OXCT1: variants seen among roughly 807,000 people sequenced by gnomAD.
OXCT1 encodes the protein 3-oxoacid CoA-transferase 1.
In OXCT1, 27 loss-of-function variants were observed where a neutral mutation model predicts 69.6. The ratio of observed to expected loss-of-function variants is 0.39; its 90% CI spans 0.29 to 0.54. OXCT1 has a LOEUF of 0.54. OXCT1 is among the 20% of genes least tolerant of loss of function. The pLI is 0.72. For synonymous variants in OXCT1, 202 were observed against 217.8 expected (o/e 0.93, Z 0.64); for missense variants, 437 against 650.2 (o/e 0.67, Z 3.57).
intron 1 of OXCT1, among the ~76,000 whole-genome samples, chr5:41,863,301 C>T (rs1485306420): frequency 1.3e-5 from 2 of 152,136 alleles, no homozygotes; most frequent in Admixed American, 1.3e-4. Flanking sequence ...TATAAATGCA[C>T]ACACTTTTTT....
chr5:41,732,675 A>G (rs1742691162), intron 16 of OXCT1, among the ~76,000 whole-genome samples: 1 of 152,208 alleles, frequency 6.6e-6, no homozygotes, highest in Admixed American at 6.5e-5. Context: ...TTAGCATTTT[A>G]CCTTCCAGAA....
At chr5:41,818,652 T>A (rs1189696189) in intron 7 of OXCT1, among the ~76,000 whole-genome samples, 1 of 152,150 alleles carries the variant, frequency 6.6e-6, no homozygotes, top group Non-Finnish European at 1.5e-5. Flanking sequence ...TAATTTTTGG[T>A]TGTGTACCTG....
At position 41,862,785 on chromosome 5, in the gene OXCT1, T is replaced by G. The variant is rs1055444942; in HGVS notation, c.79-35A>C. On this transcript the variant is annotated intron_variant, in intron 1 of 16. Coordinates refer to ENST00000196371, the MANE Select transcript of OXCT1 (RefSeq NM_000436.4). ...TAAAAAAAAAAAATTGATAATCATTTGGAGATACAGCTTTACTTTGTGTGT... is the reference window on the plus strand; with the variant it reads ...TAAAAAAAAAAAATTGATAATCATTGGGAGATACAGCTTTACTTTGTGTGT... 4.9e-6 allele frequency: 6 copies of G among 1,235,530 alleles called. No homozygotes were observed. The African/African-American group carries it at 8.9e-5, about 18-fold the overall frequency. 76.5% of individuals were successfully genotyped at this position (1,235,530 alleles called of 1,614,324 possible).
intron 3 of OXCT1, among the ~76,000 whole-genome samples, chr5:41,859,443 C>T (rs1337275675): frequency 2.0e-5 from 3 of 152,110 alleles, no homozygotes; most frequent in Admixed American, 2.0e-4. Flanking sequence ...ATGGAAAAGA[C>T]ATTAAATTTG....
intron 5 of OXCT1, chr5:41,843,770 T>C (rs1345265391): frequency 3.4e-6 from 1 of 296,534 alleles, no homozygotes; most frequent in Non-Finnish European, 6.8e-6. Flanking sequence ...TTTTGGTACA[T>C]TTATTTCAAC....
intron 3 of OXCT1, among the ~76,000 whole-genome samples, chr5:41,854,178 A>G (rs1579887032): frequency 2.2e-5 from 2 of 92,900 alleles, no homozygotes; most frequent in African/African-American, 7.6e-5. Context: ...AAAAACAAGC[A>G]AAAAAAAAAT....
rs868731142 is a variant in OXCT1, at chr5:41,830,622, G to A, written c.732+9829C>T. 2.0e-5 allele frequency among the ~76,000 whole-genome samples: 3 copies of A among 152,304 alleles called. No individual in the cohort carries two copies. The South Asian group carries it at 6.2e-4, about 32-fold the overall frequency. On this transcript the variant is annotated intron_variant, in intron 7 of 16. Transcript: ENST00000196371. ...GTGTGAATGAATTTCACACAGGAATGAGCCTGCGTATGGATGTGTGTGTTC... is the reference window on the plus strand; with the variant it reads ...GTGTGAATGAATTTCACACAGGAATAAGCCTGCGTATGGATGTGTGTGTTC...
rs553559508 is a variant in OXCT1 at position 41,731,765 on chromosome 5, T to C, written c.1527A>G (p.Ser509=). ...QKSTGCDFAV[S]PKLMPMQQIA... The stretch of plus-strand genomic sequence containing the variant: ...TCTGCTGCATTGGCATGAGTTTTGG[T>C]GAAACCTGGTAAAAGAGGAAAAAAA... Residue 509 remains serine (S), a synonymous_variant, in exon 17 of 17, where the codon TCA becomes TCG. Coordinates refer to ENST00000196371, the MANE Select transcript of OXCT1 (RefSeq NM_000436.4). The C allele has an allele frequency of 1.9e-6, 3 of 1,609,860 alleles. No homozygotes were observed. In the African/African-American group the frequency reaches 4.0e-5, roughly 21 times the overall value.
chr5:41,810,114 C>G (rs965354080), intron 7 of OXCT1, among the ~76,000 whole-genome samples: 2 of 151,918 alleles, frequency 1.3e-5, no homozygotes, highest in African/African-American at 4.8e-5. Context: ...GCAGAACTAT[C>G]TTAATGCTAG....
At chr5:41,756,332 C>T (rs1051940438) in intron 14 of OXCT1, among the ~76,000 whole-genome samples, 2 of 152,038 alleles carry the variant, frequency 1.3e-5, no homozygotes, top group African/African-American at 4.8e-5. Context: ...AAAACAGATT[C>T]TTCATGTTGT....
intron 3 of OXCT1, among the ~76,000 whole-genome samples, chr5:41,855,560 G>C (rs1749390144): frequency 6.6e-6 from 1 of 151,870 alleles, no homozygotes; most frequent in South Asian, 2.1e-4. Context: ...TACAGAGCTT[G>C]TGTCATCTAC....
intron 16 of OXCT1, among the ~76,000 whole-genome samples, chr5:41,736,146 G>A (rs1362244284): frequency 3.9e-5 from 6 of 152,196 alleles, no homozygotes; most frequent in Non-Finnish European, 5.9e-5. Context: ...AGTCCCTATC[G>A]TCATAGCATC....
At chr5:41,852,710 C>T (rs769990825) in intron 4 of OXCT1, among the ~76,000 whole-genome samples, 1 of 152,184 alleles carries the variant, frequency 6.6e-6, no homozygotes, top group African/African-American at 2.4e-5. Flanking sequence ...TAGTCACATG[C>T]ACCTTTCAAG....
intron 7 of OXCT1, among the ~76,000 whole-genome samples, chr5:41,836,796 C>T (rs1748384481): frequency 6.6e-6 from 1 of 152,170 alleles, no homozygotes; most frequent in African/African-American, 2.4e-5. Context: ...CTGTGCGGCC[C>T]AGTTCCTAAC....
At position 41,870,047 on chromosome 5, in the gene OXCT1, A is replaced by G. The variant is rs1750212017; in HGVS notation, c.78+234T>C. 1 of 557,518 alleles carries G rather than the reference A, an allele frequency of 1.8e-6. No homozygotes were observed. Among genetic ancestry groups the G allele is most frequent in the Non-Finnish European group, 3.2e-6 (1 of 308,292 alleles). The allele number at this position is 557,518 out of a possible 1,614,324, so 34.5% of individuals were successfully genotyped here. ...TCTCAGCCTCTCCGCGCGCTTCTTTATCGCGTCTCGCTCCATCAGGGAAGC... is the reference window on the plus strand; with the variant it reads ...TCTCAGCCTCTCCGCGCGCTTCTTTGTCGCGTCTCGCTCCATCAGGGAAGC... On this transcript the variant is annotated intron_variant, in intron 1 of 16. Transcript: ENST00000196371. This position sits in a 1 kb window ranked among gnomAD's most constrained non-coding sequence, Gnocchi z 4.2.
At chr5:41,791,456 T>C (rs1281448729) in intron 13 of OXCT1, among the ~76,000 whole-genome samples, 1 of 152,206 alleles carries the variant, frequency 6.6e-6, no homozygotes, top group Non-Finnish European at 1.5e-5. Flanking sequence ...TTTTAATCAT[T>C]CACAGGAATC....
intron 13 of OXCT1, among the ~76,000 whole-genome samples, chr5:41,767,711 T>C (rs947034658): frequency 1.5e-5 from 1 of 68,440 alleles, no homozygotes; most frequent in Admixed American, 2.0e-4. Context: ...GTATCTAATA[T>C]ATATGTGTGT....
intron 13 of OXCT1, among the ~76,000 whole-genome samples, chr5:41,790,365 G>T (rs2112215720): frequency 6.6e-6 from 1 of 152,278 alleles, no homozygotes; most frequent in African/African-American, 2.4e-5. Flanking sequence ...GCTTGCCTGG[G>T]GTTTTACCAT....
At chr5:41,805,528 G>C in intron 9 of OXCT1, 39 bp downstream of exon 9, 1 of 1,361,380 alleles carries the variant, frequency 7.3e-7, no homozygotes, top group Non-Finnish European at 1.1e-6. Flanking sequence ...GAAAAGCAAA[G>C]GCTATGTCTT....
Sources: allele counts gnomAD v4.1 joint callset (sites outside exome capture counted in the v4.1 genomes callset), GRCh38; gene constraint gnomAD v4.1.1; non-coding constraint Gnocchi (gnomAD v3.1); transcripts MANE v1.5; gene names NCBI Gene and HGNC (gene_info 2026-07-23, HGNC 2026-07-21).